The following CFAP47 variants were observed in gnomAD, a reference collection of about 807,000 sequenced individuals.
CFAP47 encodes cilia- and flagella-associated protein 47.
CFAP47 carries 29 observed loss-of-function variants against 148.1 expected under a neutral mutation model. The ratio of observed to expected loss-of-function variants is 0.20; its 90% CI spans 0.15 to 0.27. The LOEUF (loss-of-function observed/expected upper bound fraction) is 0.27, where lower values mean the gene tolerates loss of function less well. Ranked by LOEUF, CFAP47 falls within the 10% of genes least tolerant of loss-of-function variation. The pLI is 1.00. For synonymous variants in CFAP47, 664 were observed against 577.3 expected (o/e 1.15, Z -2.15); for missense variants, 1,872 against 1,697.5 (o/e 1.10, Z -1.81).
At chrX:36,049,922 G>A (rs1937511136) in intron 26 of CFAP47, among the ~76,000 whole-genome samples, 1 of 111,383 alleles carries the variant, frequency 9.0e-6, no homozygotes, top group Non-Finnish European at 1.9e-5. Flanking sequence ...TGCTGTTCAT[G>A]TGATAGTGAA....
intron 36 of CFAP47, 67 bp from the exon 37 acceptor site, chrX:36,149,041 G>T: frequency 3.8e-6 from 1 of 261,774 alleles, no homozygotes; most frequent in South Asian, 2.3e-4. Context: ...ATAAAAATAA[G>T]AAATGATATA....
rs138489306 is a variant in CFAP47, at chrX:36,122,661, T to C, written c.5321-15297T>C. Among the ~76,000 whole-genome samples the C allele has an allele frequency of 5.3e-4, 59 of 111,806 alleles. No individual in the cohort carries two copies. The East Asian group carries it at 0.016, about 30-fold the overall frequency. On this transcript the variant is annotated intron_variant, in intron 33 of 63. Transcript: ENST00000378653. ...TCTACTTGATTCTTTTTAATTATTT[T>C]AATATTTGTTAAACTTACCTGATAT...
intron 39 of CFAP47, among the ~76,000 whole-genome samples, chrX:36,170,081 G>T (rs1358628145): frequency 9.0e-6 from 1 of 111,388 alleles, no homozygotes; most frequent in Non-Finnish European, 1.9e-5. Context: ...CTGTCAAAAG[G>T]AGGATGGGAG....
At chrX:36,372,914 A>C (rs1556022197) in intron 62 of CFAP47, among the ~76,000 whole-genome samples, 1 of 111,639 alleles carries the variant, frequency 9.0e-6, no homozygotes, top group Non-Finnish European at 1.9e-5. Flanking sequence ...ATTCTGTTCT[A>C]TTGACCTATG....
intron 60 of CFAP47, among the ~76,000 whole-genome samples, chrX:36,355,581 A>G (rs1941779118): frequency 1.8e-5 from 2 of 111,955 alleles, no homozygotes; most frequent in African/African-American, 6.5e-5. Flanking sequence ...TCATGGATGG[A>G]CCTAAGTGAA....
At chrX:36,384,266 G>A (rs1251842789) in intron 63 of CFAP47, among the ~76,000 whole-genome samples, 1 of 111,314 alleles carries the variant, frequency 9.0e-6, no homozygotes, top group Admixed American at 9.6e-5. Context: ...GCTTGAACCC[G>A]GGAGGTGGAG....
At chrX:36,141,827 A>G (rs1939146846) in intron 35 of CFAP47, among the ~76,000 whole-genome samples, 1 of 110,869 alleles carries the variant, frequency 9.0e-6, no homozygotes, top group South Asian at 3.8e-4. Flanking sequence ...TGCACAAATA[A>G]CTCCCAAATT....
intron 33 of CFAP47, among the ~76,000 whole-genome samples, chrX:36,133,617 A>G (rs1938988194): frequency 9.1e-6 from 1 of 110,238 alleles, no homozygotes. Flanking sequence ...ATTACCTCCT[A>G]AAAGTCCCAC....
At chrX:36,048,906 C>T (rs934421202) in intron 26 of CFAP47, among the ~76,000 whole-genome samples, 14 of 110,968 alleles carry the variant, frequency 1.3e-4, no homozygotes, top group African/African-American at 4.6e-4. Context: ...TTTGGTGTTA[C>T]GGTTTGGTGA....
chrX:36,248,175 ATATT>A (rs1369538866), intron 48 of CFAP47, among the ~76,000 whole-genome samples: 3 of 106,091 alleles, frequency 2.8e-5, no homozygotes, highest in Non-Finnish European at 3.9e-5. Flanking sequence ...ATTATGTATT[ATATT>A]TATTATGTAT....
At chrX:36,374,745 T>C (rs1368703660) in intron 62 of CFAP47, 1 of 481,991 alleles carries the variant, frequency 2.1e-6, no homozygotes, top group African/African-American at 2.4e-5. Context: ...TGTCTCAATA[T>C]ATTTTTTTTT....
intron 36 of CFAP47, 83 bp downstream of exon 36, chrX:36,145,436 T>G (rs1939219707): frequency 3.5e-6 from 1 of 286,933 alleles, no homozygotes; most frequent in Non-Finnish European, 6.1e-6. Context: ...AACCCAAAAT[T>G]AACAGCAAGC....
intron 9 of CFAP47, 22 bp downstream of exon 9, chrX:35,966,776 A>C: frequency 2.0e-6 from 2 of 1,016,028 alleles, no homozygotes; most frequent in Non-Finnish European, 2.6e-6. Context: ...TGTAGTGCCC[A>C]CCTGGCTTTG....
intron 46 of CFAP47, among the ~76,000 whole-genome samples, chrX:36,230,841 T>C (rs1271181569): frequency 1.9e-5 from 2 of 106,380 alleles, no homozygotes; most frequent in African/African-American, 7.2e-5. Context: ...CTAGCCAGTT[T>C]TCCCAGCACC....
intron 45 of CFAP47, among the ~76,000 whole-genome samples, chrX:36,207,551 G>A (rs1295595670): frequency 4.5e-5 from 5 of 111,477 alleles, no homozygotes; most frequent in South Asian, 3.7e-4. Flanking sequence ...TTTTAGGGAC[G>A]GATTTACTGT....
At chrX:36,049,123 C>T (rs1421182823) in intron 26 of CFAP47, among the ~76,000 whole-genome samples, 1 of 110,870 alleles carries the variant, frequency 9.0e-6, no homozygotes, top group African/African-American at 3.3e-5. Flanking sequence ...TACTCATAGG[C>T]TAGATCTCAT....
intron 60 of CFAP47, among the ~76,000 whole-genome samples, chrX:36,354,015 G>C (rs1318133914): frequency 9.0e-6 from 1 of 111,400 alleles, no homozygotes; most frequent in East Asian, 2.8e-4. Flanking sequence ...TAAGGATTAT[G>C]ATAATGCCAT....
At chrX:36,103,717 C>T (rs1938420352) in intron 32 of CFAP47, among the ~76,000 whole-genome samples, 1 of 109,563 alleles carries the variant, frequency 9.1e-6, no homozygotes, top group South Asian at 3.9e-4. Flanking sequence ...AGGAGCTGAG[C>T]TTACACTGTG....
chrX:36,101,215 G>T (rs1402879617), intron 32 of CFAP47, among the ~76,000 whole-genome samples: 1 of 111,891 alleles, frequency 8.9e-6, no homozygotes, highest in Non-Finnish European at 1.9e-5. Flanking sequence ...CATGGTCTTG[G>T]GTTTGGTTTG....
Sources: allele counts gnomAD v4.1 joint callset (sites outside exome capture counted in the v4.1 genomes callset), GRCh38; gene constraint gnomAD v4.1.1; transcripts MANE v1.5; gene names NCBI Gene and HGNC (gene_info 2026-07-23, HGNC 2026-07-21).